PSD2: variants seen among roughly 807,000 people sequenced by gnomAD.
PSD2 encodes the protein pleckstrin and Sec7 domain containing 2.
PSD2 carries 38 observed loss-of-function variants against 69.8 expected under a neutral mutation model. The observed-to-expected ratio is 0.54, with a 90% confidence interval of 0.42 to 0.71. PSD2 has a LOEUF of 0.71. Ranked by LOEUF, PSD2 falls within the 30% of genes least tolerant of loss-of-function variation. The probability of loss-of-function intolerance (pLI) is 0.00; values close to 1 mark genes in which losing one functional copy is unlikely to be tolerated. For missense variants in PSD2, 943 were observed against 1,014.5 expected (o/e 0.93, Z 0.96); for synonymous variants, 412 against 423.0 (o/e 0.97, Z 0.32).
In PSD2 at chr5:139,837,876, G is replaced by C. The variant is rs1302735545; in HGVS notation, c.1823+94G>C. The C allele has an allele frequency of 7.9e-7, 1 of 1,260,866 alleles. No homozygotes were observed. Among genetic ancestry groups the C allele is most frequent in the East Asian group, 2.4e-5 (1 of 40,876 alleles). The allele number at this position is 1,260,866 out of a possible 1,614,324, so 78.1% of individuals were successfully genotyped here. ...CTCTCCTTCCCGTGAGTCAGCAACA[G>C]AGCATGTGTATCCACATGACACAGA... On this transcript the variant is annotated intron_variant, in intron 12 of 14. Coordinates refer to ENST00000274710, the MANE Select transcript of PSD2 (RefSeq NM_032289.4). This position sits in a 1 kb window ranked among gnomAD's most constrained non-coding sequence, Gnocchi z 5.0.
At chr5:139,830,540 T>TCCTTCCTTCCTTCCTTCCTTCCTTCCTG in intron 7 of PSD2, among the ~76,000 whole-genome samples, 1 of 128,286 alleles carries the variant, frequency 7.8e-6, no homozygotes. Flanking sequence ...CTTCCTTCCT[T>TCCTTCCTTCCTTCCTTCCTTCCTTCCTG]CCTTCCTTCC....
At chr5:139,815,208 C>T (rs191396651) in intron 4 of PSD2, among the ~76,000 whole-genome samples, 1,782 of 148,728 alleles carry the variant, frequency 0.012, 18 homozygotes, top group Non-Finnish European at 0.021. Context: ...TCTCCCTCCA[C>T]CCTCCTCAGT....
At chr5:139,784,706 C>A in the PSD2 span, among the ~76,000 whole-genome samples, 1 of 152,134 alleles carries the variant, frequency 6.6e-6, no homozygotes, top group Non-Finnish European at 1.5e-5. Flanking sequence ...TTTGCACTGG[C>A]TTTTCTTCCT....
chr5:139,751,417 G>GC, the PSD2 span, among the ~76,000 whole-genome samples: 4 of 152,222 alleles, frequency 2.6e-5, no homozygotes, highest in South Asian at 6.2e-4. Context: ...GAGTGCCCAG[G>GC]CAGATGGGGA....
chr5:139,809,035 G>A (rs754336050), intron 1 of PSD2, among the ~76,000 whole-genome samples: 4 of 152,196 alleles, frequency 2.6e-5, no homozygotes, highest in Admixed American at 1.3e-4. Flanking sequence ...ACTCACCAGC[G>A]GGAATGGGAG....
chr5:139,759,403 G>GTC, the PSD2 span, among the ~76,000 whole-genome samples: 1 of 151,936 alleles, frequency 6.6e-6, no homozygotes, highest in Non-Finnish European at 1.5e-5. Flanking sequence ...GGCGGATGCT[G>GTC]CCCCCGATCG....
intron 1 of PSD2, among the ~76,000 whole-genome samples, chr5:139,804,075 T>C (rs1759738401): frequency 6.6e-6 from 1 of 152,214 alleles, no homozygotes; most frequent in South Asian, 2.1e-4. Context: ...CAGGGTCTGT[T>C]TTGACACTCC....
intron 5 of PSD2, among the ~76,000 whole-genome samples, chr5:139,820,157 G>A (rs1316304472): frequency 6.6e-6 from 1 of 152,152 alleles, no homozygotes; most frequent in Admixed American, 6.5e-5. Flanking sequence ...TACCCCTAGG[G>A]ACAGCCCAAG....
chr5:139,783,275 A>C, the PSD2 span, among the ~76,000 whole-genome samples: 1 of 152,136 alleles, frequency 6.6e-6, no homozygotes, highest in East Asian at 1.9e-4. Context: ...GTCTCTACAA[A>C]AATAAAAATA....
At chr5:139,834,450 G>A (rs1004736625) in intron 8 of PSD2, among the ~76,000 whole-genome samples, 7 of 150,792 alleles carry the variant, frequency 4.6e-5, no homozygotes, top group Admixed American at 1.3e-4. Flanking sequence ...TGTGCCTGGC[G>A]ATTTTTATTT....
chr5:139,784,074 T>C, the PSD2 span, among the ~76,000 whole-genome samples: 2 of 151,420 alleles, frequency 1.3e-5, no homozygotes, highest in African/African-American at 4.9e-5. Flanking sequence ...CCCAAGTAGC[T>C]GGAACTACAG....
chr5:139,808,514 AG>A (rs1759866230), intron 1 of PSD2, among the ~76,000 whole-genome samples: 1 of 152,110 alleles, frequency 6.6e-6, no homozygotes, highest in Non-Finnish European at 1.5e-5. Flanking sequence ...GACTCACACG[AG>A]GTCATGCAGG....
intron 1 of PSD2, among the ~76,000 whole-genome samples, chr5:139,797,125 T>C (rs1312148991): frequency 6.6e-6 from 1 of 152,166 alleles, no homozygotes; most frequent in Admixed American, 6.5e-5. Flanking sequence ...CCCCAGGACT[T>C]TAGGAACCTG....
At chr5:139,760,152 A>C in the PSD2 span, among the ~76,000 whole-genome samples, 1 of 152,188 alleles carries the variant, frequency 6.6e-6, no homozygotes, top group Non-Finnish European at 1.5e-5. Flanking sequence ...AGGGTTGCTG[A>C]CTGCTTCCAT....
the PSD2 span, among the ~76,000 whole-genome samples, chr5:139,780,538 G>A: frequency 2.0e-5 from 3 of 152,062 alleles, no homozygotes; most frequent in Non-Finnish European, 4.4e-5. Flanking sequence ...CTGCCTCCTG[G>A]GTTCAAGTGA....
intron 1 of PSD2, among the ~76,000 whole-genome samples, chr5:139,797,582 G>A (rs1361477354): frequency 6.6e-6 from 1 of 152,236 alleles, no homozygotes; most frequent in Non-Finnish European, 1.5e-5. Flanking sequence ...TCCCTGAAGG[G>A]AGAGAGCAAA....
Position 139,809,383 on chromosome 5 carries a change from A to G in PSD2, c.-50-8A>G. The G allele has an allele frequency of 1.3e-6, 2 of 1,560,580 alleles. No homozygotes were observed. The highest frequency in any genetic ancestry group is 1.7e-6 in the Non-Finnish European group (2 of 1,159,642). Reference sequence around the variant, plus strand: ...TGACCAGTTCTTCCTCTCTCCACCCACTGCCAGGTCTAGAGGAGTCCCAGG... The same window carrying G: ...TGACCAGTTCTTCCTCTCTCCACCCGCTGCCAGGTCTAGAGGAGTCCCAGG... On this transcript the variant is annotated splice_region_variant and splice_polypyrimidine_tract_variant and intron_variant, in intron 1 of 14. Coordinates refer to ENST00000274710, the MANE Select transcript of PSD2 (RefSeq NM_032289.4).
chr5:139,763,538 T>C, the PSD2 span, among the ~76,000 whole-genome samples: 2 of 152,180 alleles, frequency 1.3e-5, no homozygotes, highest in Non-Finnish European at 2.9e-5. Flanking sequence ...GACCATGGCC[T>C]GTGCTCTAGT....
At chr5:139,778,040 A>G in the PSD2 span, among the ~76,000 whole-genome samples, 21 of 152,366 alleles carry the variant, frequency 1.4e-4, no homozygotes, top group Non-Finnish European at 2.8e-4. Context: ...GGCCTCTTTC[A>G]GAATGAAGAA....
Sources: gnomAD v4.1 joint callset for allele counts (sites outside exome capture counted in the v4.1 genomes callset) on GRCh38, gnomAD v4.1.1 for gene constraint, Gnocchi (gnomAD v3.1) non-coding constraint, MANE v1.5 for transcripts, NCBI Gene and HGNC (gene_info 2026-07-23, HGNC 2026-07-21) for gene names.